FAAP20: variants seen among roughly 807,000 people sequenced by gnomAD.
FAAP20 encodes Fanconi anemia core complex-associated protein 20.
Under a neutral mutation model 16.2 loss-of-function variants are expected in FAAP20, and 12 were observed. The ratio of observed to expected loss-of-function variants is 0.74; its 90% CI spans 0.48 to 1.20. The LOEUF (loss-of-function observed/expected upper bound fraction) is 1.20, where lower values mean the gene tolerates loss of function less well. FAAP20 is among the 50% of genes most tolerant of loss of function. The probability of loss-of-function intolerance (pLI) is 0.00; values close to 1 mark genes in which losing one functional copy is unlikely to be tolerated. For missense variants in FAAP20, 288 were observed against 245.8 expected, an observed-to-expected ratio of 1.17 and a Z score of -1.15; for synonymous variants, 141 against 110.7, an observed-to-expected ratio of 1.27 and a Z score of -1.72.
chr1:2,194,287 A>G lies in FAAP20; in HGVS notation c.63-154T>C, dbSNP rs1688617309. 3 of 470,396 alleles carry G rather than the reference A, an allele frequency of 6.4e-6. No individual in the cohort carries two copies. The East Asian group carries it at 5.1e-4, about 81-fold the overall frequency. The allele number at this position is 470,396 out of a possible 1,614,324, so 29.1% of individuals were successfully genotyped here. ...GGAGGTGGCCGGCAGGGTTGGGGGAAGGGCTGCTGGGGCAGACAGTGCGGA... is the reference window on the plus strand; with the variant it reads ...GGAGGTGGCCGGCAGGGTTGGGGGAGGGGCTGCTGGGGCAGACAGTGCGGA... On this transcript the variant is annotated intron_variant, in intron 1 of 3. Coordinates refer to ENST00000378546, the MANE Select transcript of FAAP20 (RefSeq NM_182533.4).
downstream of FAAP20, among the ~76,000 whole-genome samples, chr1:2,211,550 C>T (rs1231721243): frequency 7.1e-6 from 1 of 140,836 alleles, no homozygotes; most frequent in African/African-American, 2.7e-5. Flanking sequence ...AGGTTCACGC[C>T]ATTCTCCTGC....
chr1:2,206,067 C>T (rs1386187087), intron 3 of FAAP20, among the ~76,000 whole-genome samples: 3 of 152,258 alleles, frequency 2.0e-5, no homozygotes, highest in Admixed American at 6.5e-5. Flanking sequence ...ATTACGTTCG[C>T]ATGGCCACTC....
At chr1:2,189,442 C>T, downstream of FAAP20, 2 of 535,118 alleles carry the variant, frequency 3.7e-6, no homozygotes, top group African/African-American at 1.9e-5. Flanking sequence ...ACAGTGGGGG[C>T]GCCAGGGGAA....
At chr1:2,200,648 A>G (rs1381391251), upstream of FAAP20, 4 of 986,060 alleles carry the variant, frequency 4.1e-6, no homozygotes, top group Non-Finnish European at 3.6e-6. Flanking sequence ...ATTTTTTCAC[A>G]GCAGCCCCAG....
upstream of FAAP20, among the ~76,000 whole-genome samples, chr1:2,196,990 CG>C (rs1485195621): frequency 6.6e-6 from 1 of 152,144 alleles, no homozygotes; most frequent in Non-Finnish European, 1.5e-5. This position sits in a 1 kb window ranked among gnomAD's most constrained non-coding sequence, Gnocchi z 4.5. Flanking sequence ...CTGTTGGACC[CG>C]GGGGTGGCTC....
At chr1:2,188,983 C>T (rs1183114479), downstream of FAAP20, among the ~76,000 whole-genome samples, 35 of 135,044 alleles carry the variant, frequency 2.6e-4, no homozygotes, top group Non-Finnish European at 3.0e-5. Flanking sequence ...CCAGCCTGGG[C>T]GACAGAGCGA....
chr1:2,189,532 A>G (rs1687915769), downstream of FAAP20: 1 of 627,850 alleles, frequency 1.6e-6, no homozygotes, highest in South Asian at 1.8e-5. Flanking sequence ...AACGTCAGAA[A>G]GAAAAGCGGC....
upstream of FAAP20, chr1:2,203,666 G>T (rs1450738364): frequency 3.0e-6 from 3 of 984,246 alleles, no homozygotes; most frequent in East Asian, 2.3e-4. Flanking sequence ...GGGGCCGGCT[G>T]CTGGGCCTGT....
chr1:2,190,021 T>A (rs1443096101), intron 3 of FAAP20: 9 of 601,182 alleles, frequency 1.5e-5, no homozygotes, highest in Middle Eastern at 2.6e-4. Flanking sequence ...GAGCTGGGGG[T>A]GGGGAAGCTG....
intron 3 of FAAP20, chr1:2,192,778 C>T (rs1572110399): frequency 9.0e-7 from 1 of 1,108,692 alleles, no homozygotes; most frequent in East Asian, 5.9e-5. Context: ...CACGCCCAGG[C>T]ATGTAAAGAT....
chr1:2,193,522 T>C, intron 3 of FAAP20, 117 bp downstream of exon 3: 4 of 1,460,410 alleles, frequency 2.7e-6, no homozygotes, highest in South Asian at 2.6e-5. Context: ...ACCTTTCCAG[T>C]GTGAAACAGG....
At chr1:2,194,306 G>T in intron 1 of FAAP20, 173 bp from the exon 2 acceptor site, 1 of 625,848 alleles carries the variant, frequency 1.6e-6, no homozygotes, top group Non-Finnish European at 2.6e-6. Flanking sequence ...GGGGCAGACA[G>T]TGCGGAGATG....
At chr1:2,204,813 C>G (rs1472624165), upstream of FAAP20, among the ~76,000 whole-genome samples, 3 of 152,118 alleles carry the variant, frequency 2.0e-5, no homozygotes, top group Admixed American at 6.5e-5. Flanking sequence ...CCGGCTCACC[C>G]CACCTCAGAC....
chr1:2,190,285 C>T lies in FAAP20; in HGVS notation c.471-504G>A, dbSNP rs911826520. 8.8e-6 allele frequency: 4 copies of T among 456,560 alleles called. No individual in the cohort carries two copies. In the East Asian group the frequency reaches 2.1e-4, roughly 24 times the overall value. 28.3% of individuals were successfully genotyped at this position (456,560 alleles called of 1,614,324 possible). A position where few individuals can be genotyped will look rare whatever the true frequency, so the allele number is the denominator to read the frequency against. On this transcript the variant is annotated intron_variant, in intron 3 of 3. Coordinates refer to ENST00000378546, the MANE Select transcript of FAAP20 (RefSeq NM_182533.4). Reference sequence around the variant, plus strand: ...CAAGCCTCACCACGGAGAAGGACGCCGTCACCGGCGTGCAGGCTGCCAACC... The same window carrying T: ...CAAGCCTCACCACGGAGAAGGACGCTGTCACCGGCGTGCAGGCTGCCAACC...
upstream of FAAP20, among the ~76,000 whole-genome samples, chr1:2,195,704 C>CTGAA (rs1688789745): frequency 6.6e-6 from 1 of 152,234 alleles, no homozygotes; most frequent in African/African-American, 2.4e-5. Context: ...GAGCCCGGCC[C>CTGAA]TGAACCCAGG....
At chr1:2,199,086 C>G, upstream of FAAP20, 1 of 1,189,692 alleles carries the variant, frequency 8.4e-7, no homozygotes, top group Non-Finnish European at 1.1e-6. This position sits in a 1 kb window ranked among gnomAD's most constrained non-coding sequence, Gnocchi z 4.5. Flanking sequence ...GCCCCTGACC[C>G]CAAGAACCAG....
chr1:2,210,994 C>G (rs976563231), downstream of FAAP20, among the ~76,000 whole-genome samples: 1 of 152,192 alleles, frequency 6.6e-6, no homozygotes, highest in Admixed American at 6.5e-5. Flanking sequence ...CCGGGCCCTG[C>G]AGCGCCTGTC....
At chr1:2,202,313 C>T (rs71511333), upstream of FAAP20, among the ~76,000 whole-genome samples, 5,554 of 152,270 alleles carry the variant, frequency 0.036, 148 homozygotes, top group Non-Finnish European at 0.057. Context: ...ACCACGAGCC[C>T]CAGCTAAGTG....
At chr1:2,185,382 C>G (rs1687436005), downstream of FAAP20, 4 of 718,762 alleles carry the variant, frequency 5.6e-6, no homozygotes, top group Non-Finnish European at 1.0e-5. Flanking sequence ...ATAAAATGTT[C>G]CGATGATGTG....
Sources: gnomAD v4.1 joint callset for allele counts (sites outside exome capture counted in the v4.1 genomes callset) on GRCh38, gnomAD v4.1.1 for gene constraint, Gnocchi (gnomAD v3.1) non-coding constraint, MANE v1.5 for transcripts, NCBI Gene and HGNC (gene_info 2026-07-23, HGNC 2026-07-21) for gene names.